Variants in STAU1 observed in about 807,000 individuals in gnomAD.
STAU1 encodes the protein double-stranded RNA-binding protein Staufen homolog 1.
A neutral mutation model predicts 62.9 loss-of-function variants in STAU1; 13 were observed. The observed-to-expected ratio is 0.21, with a 90% CI of 0.13 to 0.33. The LOEUF is 0.33. Ranked by LOEUF, STAU1 falls within the 10% of genes least tolerant of loss-of-function variation. The pLI, the probability that STAU1 is intolerant of heterozygous loss-of-function variation, is 1.00. For synonymous variants in STAU1, 269 were observed against 265.1 expected (o/e 1.01, Z -0.14); for missense variants, 571 against 712.1 (o/e 0.80, Z 2.25).
the STAU1 span, among the ~76,000 whole-genome samples, chr20:49,201,153 A>G: frequency 6.6e-6 from 1 of 151,634 alleles, no homozygotes; most frequent in Non-Finnish European, 1.5e-5. Flanking sequence ...AGGGAAAGGA[A>G]GTTGATGGAA....
chr20:49,177,622 T>A (rs1159563491), intron 1 of STAU1, among the ~76,000 whole-genome samples: 1 of 150,902 alleles, frequency 6.6e-6, no homozygotes, highest in East Asian at 2.0e-4. Context: ...GAGCTTGCAG[T>A]GAGCCGAGAT....
the STAU1 span, among the ~76,000 whole-genome samples, chr20:49,207,857 G>C: frequency 4.0e-5 from 6 of 151,862 alleles, no homozygotes; most frequent in Admixed American, 2.6e-4. Context: ...GAGACTGTTT[G>C]GGGGTTGTAA....
At position 49,113,829 on chromosome 20, in the gene STAU1, T is replaced by A. The variant is rs1308377423; in HGVS notation, c.*1049A>T. 6.6e-6 allele frequency: 1 copy of A among 152,658 alleles called. No individual in the cohort carries two copies. Among genetic ancestry groups the A allele is most frequent in the African/African-American group, 2.4e-5 (1 of 41,450 alleles). 9.5% of individuals were successfully genotyped at this position (152,658 alleles called of 1,614,324 possible). On this transcript the variant is annotated 3_prime_UTR_variant, in exon 14 of 14. Transcript: ENST00000371856. ...TTATATGGACTACATGGAGATCATA[T>A]CCTGTAGTGTAGTGAAAGCTAAGTC...
chr20:49,213,521 C>A, the STAU1 span, among the ~76,000 whole-genome samples: 3 of 152,176 alleles, frequency 2.0e-5, no homozygotes, highest in African/African-American at 7.2e-5. Context: ...AGCCACCGCG[C>A]CTGGCCTATT....
chr20:49,168,354 T>C (rs1458610003), intron 2 of STAU1, among the ~76,000 whole-genome samples: 2 of 152,176 alleles, frequency 1.3e-5, no homozygotes, highest in African/African-American at 4.8e-5. Flanking sequence ...GTCCTGGGAT[T>C]ACAAGTGTGA....
intron 4 of STAU1, among the ~76,000 whole-genome samples, chr20:49,152,039 A>AATT (rs1302018918): frequency 1.3e-5 from 2 of 152,194 alleles, no homozygotes; most frequent in African/African-American, 4.8e-5. Context: ...ATCTAAAATG[A>AATT]ATTAGGCTTT....
the STAU1 span, among the ~76,000 whole-genome samples, chr20:49,200,684 A>G: frequency 3.3e-5 from 5 of 151,928 alleles, no homozygotes; most frequent in Non-Finnish European, 7.4e-5. Context: ...AGGTGGAAAA[A>G]ACTTAGACCC....
intron 5 of STAU1, among the ~76,000 whole-genome samples, chr20:49,142,397 T>A (rs940863106): frequency 7.9e-5 from 12 of 152,080 alleles, no homozygotes; most frequent in African/African-American, 1.4e-4. Context: ...CAAAAAAAAA[T>A]TTTTTTAAAT....
At chr20:49,207,288 CAG>C in the STAU1 span, among the ~76,000 whole-genome samples, 1 of 151,822 alleles carries the variant, frequency 6.6e-6, no homozygotes, top group South Asian at 2.1e-4. Flanking sequence ...CCTGCCAAGT[CAG>C]AGTGTCCACC....
chr20:49,164,145 G>C (rs538498449), intron 3 of STAU1, among the ~76,000 whole-genome samples: 1 of 151,590 alleles, frequency 6.6e-6, no homozygotes, highest in South Asian at 2.1e-4. Flanking sequence ...CAGGAGAATC[G>C]CTTGAACCCA....
At chr20:49,129,271 T>TA (rs1299489657) in intron 6 of STAU1, among the ~76,000 whole-genome samples, 12 of 131,198 alleles carry the variant, frequency 9.1e-5, no homozygotes, top group African/African-American at 2.0e-4. Context: ...AGAATGACTT[T>TA]AAAAAAAAAT....
intron 5 of STAU1, among the ~76,000 whole-genome samples, chr20:49,145,242 G>A (rs2093101481): frequency 6.6e-6 from 1 of 151,542 alleles, no homozygotes; most frequent in Admixed American, 6.6e-5. Context: ...TGGCCAACAT[G>A]GTGAAACCCC....
chr20:49,214,511 C>A, the STAU1 span, among the ~76,000 whole-genome samples: 1 of 78,506 alleles, frequency 1.3e-5, no homozygotes, highest in Non-Finnish European at 2.7e-5. Flanking sequence ...GAGTGAGATT[C>A]CGTCTCAAAA....
At chr20:49,122,571 T>C (rs2092488505) in intron 8 of STAU1, among the ~76,000 whole-genome samples, 1 of 152,166 alleles carries the variant, frequency 6.6e-6, no homozygotes. Context: ...CCTTTACAGA[T>C]TTCTGTGGTA....
At chr20:49,181,798 G>C (rs1215181933) in intron 1 of STAU1, among the ~76,000 whole-genome samples, 2 of 102,612 alleles carry the variant, frequency 1.9e-5, no homozygotes, top group African/African-American at 3.4e-5. Context: ...AAAAAAAAAA[G>C]CAGAGGCAAT....
intron 6 of STAU1, among the ~76,000 whole-genome samples, chr20:49,129,323 T>G (rs2092702918): frequency 8.1e-6 from 1 of 123,308 alleles, no homozygotes. Flanking sequence ...AGTCTCACTC[T>G]GTCACCCAGG....
intron 2 of STAU1, among the ~76,000 whole-genome samples, chr20:49,168,498 G>GT (rs1477682255): frequency 6.6e-6 from 1 of 151,638 alleles, no homozygotes; most frequent in African/African-American, 2.4e-5. Context: ...ACATCTAACA[G>GT]TTGGTTGAAA....
chr20:49,198,864 G>A, the STAU1 span, among the ~76,000 whole-genome samples: 1 of 152,142 alleles, frequency 6.6e-6, no homozygotes, highest in East Asian at 1.9e-4. Flanking sequence ...TTTTGAGGCT[G>A]AGGCAGGAAA....
rs979542132 is a variant in STAU1, at chr20:49,132,714, G to A, written c.609+3119C>T. Reference sequence around the variant, plus strand: ...GTGGAGGTTGCCATAAGCTGAGATCGTGCCATTGTACTCCAGCCTGCGCAA... The same window carrying A: ...GTGGAGGTTGCCATAAGCTGAGATCATGCCATTGTACTCCAGCCTGCGCAA... On this transcript the variant is annotated intron_variant, in intron 6 of 13. Coordinates refer to ENST00000371856, the MANE Select transcript of STAU1 (RefSeq NM_017453.4). Among the ~76,000 whole-genome samples, 92 of 152,190 alleles carry A rather than the reference G, an allele frequency of 6.0e-4. 1 individual carries two copies. The highest frequency in any genetic ancestry group is 3.4e-3 in the Middle Eastern group (1 of 294).
Sources: gnomAD v4.1 joint callset for allele counts (sites outside exome capture counted in the v4.1 genomes callset) on GRCh38, gnomAD v4.1.1 for gene constraint, MANE v1.5 for transcripts, NCBI Gene and HGNC (gene_info 2026-07-23, HGNC 2026-07-21) for gene names.